PHF24: variants seen among roughly 807,000 people sequenced by gnomAD.
PHF24 encodes the protein Galpha inhibitory interacting protein.
In PHF24, 25 loss-of-function variants were observed where a neutral mutation model predicts 42.6. The observed-to-expected ratio is 0.59, with a 90% confidence interval of 0.43 to 0.82. The LOEUF is 0.82. Among genes scored for constraint, PHF24 ranks in the 40% least tolerant of loss-of-function variants. PHF24 has a pLI of 0.00. For missense variants in PHF24, 470 were observed against 538.1 expected, an observed-to-expected ratio of 0.87 and a Z score of 1.25; for synonymous variants, 185 against 204.8, an observed-to-expected ratio of 0.90 and a Z score of 0.83.
At chr9:34,811,346 G>A in the PHF24 span, among the ~76,000 whole-genome samples, 2 of 152,208 alleles carry the variant, frequency 1.3e-5, no homozygotes, top group Non-Finnish European at 2.9e-5. Context: ...GAGAGGTGGG[G>A]CCTAATAGGT....
chr9:34,794,744 G>A, the PHF24 span, among the ~76,000 whole-genome samples: 1 of 152,088 alleles, frequency 6.6e-6, no homozygotes, highest in South Asian at 2.1e-4. Flanking sequence ...CAGTGAACTT[G>A]AATATATATC....
chr9:34,885,807 G>A, the PHF24 span, among the ~76,000 whole-genome samples: 1 of 151,872 alleles, frequency 6.6e-6, no homozygotes. Context: ...GATATCAGCA[G>A]CAGGCTTTGA....
At chr9:34,953,193 T>C (rs1188841980), upstream of PHF24, among the ~76,000 whole-genome samples, 5 of 152,210 alleles carry the variant, frequency 3.3e-5, no homozygotes, top group African/African-American at 9.7e-5. The surrounding 1 kb of genome is among the most constrained non-coding windows in gnomAD (Gnocchi z 4.1). Context: ...AAACTACACA[T>C]TGGAAGCAAA....
chr9:34,936,354 G>A, the PHF24 span, among the ~76,000 whole-genome samples: 4 of 152,234 alleles, frequency 2.6e-5, no homozygotes, highest in Admixed American at 6.5e-5. Context: ...TGCAGACGGA[G>A]TCTCGTTCAC....
At chr9:34,881,378 A>C in the PHF24 span, among the ~76,000 whole-genome samples, 2 of 152,168 alleles carry the variant, frequency 1.3e-5, no homozygotes, top group Non-Finnish European at 2.9e-5. Context: ...ACTGAAGGAG[A>C]TAGAGACACA....
the PHF24 span, among the ~76,000 whole-genome samples, chr9:34,808,879 G>C: frequency 9.3e-5 from 11 of 118,796 alleles, no homozygotes; most frequent in Non-Finnish European, 1.6e-5. Flanking sequence ...ACACTCTGGG[G>C]ACTGTTGTGG....
At chr9:34,718,542 G>A in the PHF24 span, among the ~76,000 whole-genome samples, 211 of 152,328 alleles carry the variant, frequency 1.4e-3, no homozygotes, top group African/African-American at 5.0e-3. Flanking sequence ...AGGACACAGG[G>A]GCTATTCTGG....
At chr9:34,831,175 G>A in the PHF24 span, among the ~76,000 whole-genome samples, 67,821 of 152,036 alleles carry the variant, frequency 0.45, 15,999 homozygotes, top group East Asian at 0.69. Context: ...AAGAGATGTA[G>A]AAGGGTGACA....
the PHF24 span, among the ~76,000 whole-genome samples, chr9:34,836,524 A>G: frequency 6.6e-6 from 1 of 152,364 alleles, no homozygotes; most frequent in East Asian, 1.9e-4. Flanking sequence ...TCTGGGGGCT[A>G]TGAGATATCC....
chr9:34,712,845 C>T, the PHF24 span, among the ~76,000 whole-genome samples: 2 of 152,152 alleles, frequency 1.3e-5, no homozygotes, highest in Non-Finnish European at 1.5e-5. Flanking sequence ...ATCATCAAAC[C>T]TCCCATCATC....
the PHF24 span, among the ~76,000 whole-genome samples, chr9:34,928,190 T>C: frequency 8.0e-6 from 1 of 124,458 alleles, no homozygotes; most frequent in Admixed American, 9.9e-5. Context: ...CACTCCAGCC[T>C]GGGCAACAAG....
chr9:34,800,616 T>G, the PHF24 span, among the ~76,000 whole-genome samples: 2 of 152,186 alleles, frequency 1.3e-5, no homozygotes, highest in African/African-American at 4.8e-5. Context: ...GCTAGCCATA[T>G]GCAGAAAACC....
the PHF24 span, chr9:34,833,925 A>G: frequency 6.5e-7 from 1 of 1,540,598 alleles, no homozygotes; most frequent in Admixed American, 2.0e-5. Context: ...AGCGCCACAT[A>G]ATACAGAGCA....
intron 7 of PHF24, 57 bp downstream of exon 7, chr9:34,977,698 C>A: frequency 1.4e-6 from 2 of 1,408,552 alleles, no homozygotes; most frequent in South Asian, 2.5e-5. Context: ...ACAAAACACA[C>A]AAGTAAGAGA....
upstream of PHF24, among the ~76,000 whole-genome samples, chr9:34,952,879 G>A (rs112799973): frequency 8.7e-3 from 1,319 of 152,300 alleles, 16 homozygotes; most frequent in African/African-American, 0.03. Context: ...AATGAAGAAA[G>A]TCTTTTCAAC....
chr9:34,959,393 T>C (rs1267008403), intron 1 of PHF24, among the ~76,000 whole-genome samples: 1 of 152,178 alleles, frequency 6.6e-6, no homozygotes, highest in Non-Finnish European at 1.5e-5. Flanking sequence ...CTTTTAAACA[T>C]TGAGACTCAG....
the PHF24 span, among the ~76,000 whole-genome samples, chr9:34,738,366 A>G: frequency 2.0e-5 from 3 of 151,642 alleles, no homozygotes; most frequent in Non-Finnish European, 4.4e-5. Flanking sequence ...TTTTATTTTT[A>G]TTGAGACAGA....
chr9:34,839,458 C>T, the PHF24 span, among the ~76,000 whole-genome samples: 11 of 152,098 alleles, frequency 7.2e-5, no homozygotes, highest in African/African-American at 1.2e-4. Flanking sequence ...TATACTCTGC[C>T]GATTAATTTA....
the PHF24 span, among the ~76,000 whole-genome samples, chr9:34,914,726 A>C: frequency 2.6e-5 from 4 of 151,990 alleles, no homozygotes; most frequent in East Asian, 7.7e-4. Context: ...AGTCTTTTCC[A>C]ATCATCTAAA....
Sources: allele counts gnomAD v4.1 joint callset (sites outside exome capture counted in the v4.1 genomes callset), GRCh38; gene constraint gnomAD v4.1.1; non-coding constraint Gnocchi (gnomAD v3.1); transcripts MANE v1.5; gene names NCBI Gene and HGNC (gene_info 2026-07-23, HGNC 2026-07-21).